ACER2: variants seen among roughly 807,000 people sequenced by gnomAD.
ACER2 encodes alkaline ceramidase 2.
Under a neutral mutation model 34.7 loss-of-function variants are expected in ACER2, and 26 were observed. The ratio of observed to expected loss-of-function variants is 0.75; its 90% CI spans 0.55 to 1.04. The LOEUF (loss-of-function observed/expected upper bound fraction) is 1.04. Ranked by LOEUF, ACER2 falls within the 50% of genes least tolerant of loss-of-function variation. The probability of loss-of-function intolerance (pLI) is 0.00; values close to 1 mark genes in which losing one functional copy is unlikely to be tolerated. For synonymous variants in ACER2, 138 were observed against 132.1 expected, an observed-to-expected ratio of 1.04 and a Z score of -0.31; for missense variants, 352 against 340.8, an observed-to-expected ratio of 1.03 and a Z score of -0.26.
chr9:19,416,236 A>C (rs1830236494), intron 1 of ACER2, among the ~76,000 whole-genome samples: 1 of 152,154 alleles, frequency 6.6e-6, no homozygotes, highest in Non-Finnish European at 1.5e-5. Flanking sequence ...TTGCTAGTTT[A>C]ACAAGAGGAA....
At chr9:19,409,647 G>T in intron 1 of ACER2, 2 of 722,630 alleles carry the variant, frequency 2.8e-6, no homozygotes, top group Non-Finnish European at 3.4e-6. Context: ...CCCCCCGCAG[G>T]TCCCCGCGGC....
intron 4 of ACER2, among the ~76,000 whole-genome samples, chr9:19,435,667 G>A (rs570179272): frequency 2.0e-5 from 3 of 151,976 alleles, no homozygotes; most frequent in Non-Finnish European, 2.9e-5. Context: ...CAGGAGAATC[G>A]CCTGAACCTA....
intron 1 of ACER2, among the ~76,000 whole-genome samples, chr9:19,417,023 G>A (rs1830260114): frequency 6.6e-6 from 1 of 152,104 alleles, no homozygotes; most frequent in South Asian, 2.1e-4. Context: ...AGCATCTCCA[G>A]CAAAGTCTCA....
Position 19,409,099 on chromosome 9 carries a change from C to T in ACER2, c.15C>T (p.His5=), listed in dbSNP as rs1319009472. ...CCGGAGTGGCCATGGGCGCCCCGCACTGGTGGGACCAGCTGCAGGCTGGTA... is the reference window on the plus strand; with the variant it reads ...CCGGAGTGGCCATGGGCGCCCCGCATTGGTGGGACCAGCTGCAGGCTGGTA... MGAP[H]WWDQLQAGSS... The change falls in exon 1 of 6, where the codon CAC becomes CAT. Residue 5 remains histidine, a synonymous_variant. Transcript: ENST00000340967. 29 of 1,596,758 alleles carry T rather than the reference C, an allele frequency of 1.8e-5. No homozygotes were observed. The highest frequency in any genetic ancestry group is 2.7e-5 in the African/African-American group (2 of 74,678).
chr9:19,423,936 C>A lies in ACER2; in HGVS notation c.183C>A (p.Asn61Lys), dbSNP rs1400981762. ...CLFRQYATCF[N>K]SGIYLIWTLL... is the part of the protein sequence containing the mutation. ...TTCGTCAGTATGCAACATGCTTCAA[C>A]AGTGGCATCTACTTAATCTGGACTC... Residue 61 changes from asparagine (N) to lysine (K), a missense_variant, in exon 2 of 6, where the codon AAC (asparagine) becomes AAA (lysine). Asn to Lys is a moderately conservative substitution (Grantham distance 94). Transcript: ENST00000340967. The A allele has an allele frequency of 6.2e-7, 1 of 1,613,986 alleles. No homozygotes were observed. Among genetic ancestry groups the A allele is most frequent in the Admixed American group, 1.7e-5 (1 of 59,992 alleles).
intron 1 of ACER2, among the ~76,000 whole-genome samples, chr9:19,412,086 A>C (rs962674539): frequency 7.9e-5 from 12 of 152,200 alleles, no homozygotes; most frequent in Non-Finnish European, 1.3e-4. Context: ...AGATTTATCT[A>C]TTTGGCATAG....
chr9:19,450,171 T>G, intron 5 of ACER2: 3 of 983,738 alleles, frequency 3.0e-6, no homozygotes, highest in Non-Finnish European at 3.6e-6. Flanking sequence ...TCAGTCTTCT[T>G]GTTTGAGGCC....
At position 19,450,814 on chromosome 9, in the gene ACER2, A is replaced by C. The variant is rs7855778; in HGVS notation, c.*178A>C. 2 of 496,490 alleles carry C rather than the reference A, an allele frequency of 4.0e-6. No individual in the cohort carries two copies. Among genetic ancestry groups the C allele is most frequent in the Non-Finnish European group, 6.5e-6 (2 of 307,076 alleles). The allele number at this position is 496,490 out of a possible 1,614,324, so 30.8% of individuals were successfully genotyped here. A position where few individuals can be genotyped will look rare whatever the true frequency, so the allele number is the denominator to read the frequency against. ...TGTATGTAGGGATTTAAACTTTGTC[A>C]TATGGTACAAATATTCCCTGCCCCC... On this transcript the variant is annotated 3_prime_UTR_variant, in exon 6 of 6. Transcript: ENST00000340967.
At chr9:19,430,436 C>T (rs1830716978) in intron 3 of ACER2, among the ~76,000 whole-genome samples, 1 of 152,160 alleles carries the variant, frequency 6.6e-6, no homozygotes, top group South Asian at 2.1e-4. Context: ...TAGAAAAACA[C>T]CCTGTTGGGG....
At chr9:19,438,875 T>C (rs1831055766) in intron 4 of ACER2, among the ~76,000 whole-genome samples, 1 of 152,130 alleles carries the variant, frequency 6.6e-6, no homozygotes, top group Non-Finnish European at 1.5e-5. Context: ...ATCTTCGAAC[T>C]CCTGCACTTA....
chr9:19,426,371 TC>T (rs1830571342), intron 3 of ACER2, among the ~76,000 whole-genome samples: 1 of 93,038 alleles, frequency 1.1e-5, no homozygotes, highest in African/African-American at 5.1e-5. Context: ...TCTCTCTCTC[TC>T]TCTCTCTCTC....
At chr9:19,433,520 A>G (rs1401674656) in intron 3 of ACER2, among the ~76,000 whole-genome samples, 1 of 152,022 alleles carries the variant, frequency 6.6e-6, no homozygotes, top group Non-Finnish European at 1.5e-5. Flanking sequence ...TTTTCTTAGT[A>G]CAGAACAAAA....
At chr9:19,445,235 T>A (rs1018694820) in intron 4 of ACER2, among the ~76,000 whole-genome samples, 6 of 152,222 alleles carry the variant, frequency 3.9e-5, no homozygotes, top group Non-Finnish European at 7.3e-5. Context: ...GCAATTGAAA[T>A]TTTCATTGAG....
chr9:19,426,203 C>T (rs1400874063), intron 3 of ACER2, among the ~76,000 whole-genome samples: 1 of 150,434 alleles, frequency 6.6e-6, no homozygotes, highest in Non-Finnish European at 1.5e-5. Context: ...TTTTACCTTT[C>T]ATCTGAACTG....
intron 3 of ACER2, among the ~76,000 whole-genome samples, chr9:19,427,489 A>G (rs1341428285): frequency 1.3e-5 from 2 of 152,216 alleles, no homozygotes; most frequent in Non-Finnish European, 2.9e-5. Flanking sequence ...GCAGCTCTGC[A>G]GTGGAAGTGG....
chr9:19,428,808 G>C (rs1242320233), intron 3 of ACER2, among the ~76,000 whole-genome samples: 1 of 20,214 alleles, frequency 4.9e-5, no homozygotes, highest in Non-Finnish European at 1.4e-4. Context: ...TTTTTTTTTT[G>C]AGATGAAGTC....
chr9:19,446,860 A>G (rs374781351), intron 5 of ACER2, among the ~76,000 whole-genome samples: 1 of 152,168 alleles, frequency 6.6e-6, no homozygotes, highest in South Asian at 2.1e-4. Context: ...CGCACTGGCC[A>G]TTTAGAGACA....
At chr9:19,435,164 T>C (rs10964137) in intron 4 of ACER2, 80 bp downstream of exon 4, 313,236 of 1,515,734 alleles carry the variant, frequency 0.21, 40,144 homozygotes, top group African/African-American at 0.62. Flanking sequence ...TGCTGTCCTG[T>C]AGCAGAAGAG....
At chr9:19,423,247 A>G (rs1406309367) in intron 1 of ACER2, among the ~76,000 whole-genome samples, 1 of 152,206 alleles carries the variant, frequency 6.6e-6, no homozygotes, top group Non-Finnish European at 1.5e-5. Context: ...GTTAATTCTT[A>G]TTTAATTCTT....
Sources: allele counts gnomAD v4.1 joint callset (sites outside exome capture counted in the v4.1 genomes callset), GRCh38; gene constraint gnomAD v4.1.1; transcripts MANE v1.5; gene names NCBI Gene and HGNC (gene_info 2026-07-23, HGNC 2026-07-21).